NIBAN1: variants seen among roughly 807,000 people sequenced by gnomAD.
NIBAN1 encodes the protein niban apoptosis regulator 1.
A neutral mutation model predicts 75.1 loss-of-function variants in NIBAN1; 81 were observed. That is an observed-to-expected ratio of 1.08 (90% CI 0.90 to 1.30). The LOEUF (loss-of-function observed/expected upper bound fraction) is 1.30. Among genes scored for constraint, NIBAN1 ranks in the 50% most tolerant of loss-of-function variants. NIBAN1 has a pLI of 0.00. For synonymous variants in NIBAN1, 436 were observed against 424.8 expected, an observed-to-expected ratio of 1.03 and a Z score of -0.32; for missense variants, 1,133 against 1,128.1, an observed-to-expected ratio of 1.00 and a Z score of -0.06.
intron 1 of NIBAN1, among the ~76,000 whole-genome samples, chr1:184,957,622 G>A (rs1658523972): frequency 2.0e-5 from 3 of 152,194 alleles, no homozygotes; most frequent in South Asian, 4.1e-4. Context: ...TAACATAATG[G>A]TAGGACTGGG....
chr1:184,887,620 C>T (rs1656561023), intron 4 of NIBAN1: 1 of 152,196 alleles, frequency 6.6e-6, no homozygotes, highest in Non-Finnish European at 1.5e-5. Flanking sequence ...AGCAGCCACC[C>T]TGGACCCTGC....
rs548633153 is a variant in NIBAN1, at chr1:184,926,480, T to C, written c.56-27171A>G. 1.2e-3 allele frequency among the ~76,000 whole-genome samples: 189 copies of C among 152,290 alleles called. 1 individual carries two copies. The highest frequency in any genetic ancestry group is 2.1e-3 in the Non-Finnish European group (143 of 68,014). ...CTTGAACTCCTGACCTCAAGTGATC[T>C]GTCCACCTTGGCCTCCCAGAGTGCT... On this transcript the variant is annotated intron_variant, in intron 1 of 13. Coordinates refer to ENST00000367511, the MANE Select transcript of NIBAN1 (RefSeq NM_052966.4).
Position 184,974,362 on chromosome 1 carries a change from C to G in NIBAN1, c.-6G>C. On this transcript the variant is annotated 5_prime_UTR_variant, in exon 1 of 14. Coordinates refer to ENST00000367511, the MANE Select transcript of NIBAN1 (RefSeq NM_052966.4). Reference sequence around the variant, plus strand: ...CTGGAGGCTGAGCCGCCCATGACCGCGAGCTGCCTGTGCTGAGCGCGGAAA... The same window carrying G: ...CTGGAGGCTGAGCCGCCCATGACCGGGAGCTGCCTGTGCTGAGCGCGGAAA... The G allele has an allele frequency of 6.4e-7, 1 of 1,555,626 alleles. No individual in the cohort carries two copies. The highest frequency in any genetic ancestry group is 2.4e-5 in the East Asian group (1 of 41,394).
intron 9 of NIBAN1, among the ~76,000 whole-genome samples, chr1:184,817,449 C>T (rs967168901): frequency 2.0e-5 from 3 of 152,250 alleles, no homozygotes; most frequent in Non-Finnish European, 1.5e-5. Context: ...AATCGCCACA[C>T]TGTCTTCCAC....
rs537950829 is a variant in NIBAN1 at position 184,877,421 on chromosome 1, G to A, written c.601+7212C>T. ...AAGAAATTTCAGAGGTAACGATAAC[G>A]TTCTTTATACTCTATACATACTTTA... On this transcript the variant is annotated intron_variant, in intron 5 of 13. Transcript: ENST00000367511. Among the ~76,000 whole-genome samples the A allele has an allele frequency of 5.7e-4, 86 of 152,052 alleles. 1 individual carries two copies. The highest frequency in any genetic ancestry group is 1.0e-3 in the Non-Finnish European group (71 of 67,976).
intron 6 of NIBAN1, among the ~76,000 whole-genome samples, chr1:184,826,569 T>A (rs1361869476): frequency 6.6e-6 from 1 of 152,160 alleles, no homozygotes; most frequent in Non-Finnish European, 1.5e-5. Context: ...TGCCAGAATT[T>A]AAAATCAGTG....
At chr1:184,864,234 G>T (rs1655890478) in intron 5 of NIBAN1, among the ~76,000 whole-genome samples, 1 of 152,164 alleles carries the variant, frequency 6.6e-6, no homozygotes, top group African/African-American at 2.4e-5. Context: ...ATTGTTGTCA[G>T]CCTTCACACA....
In NIBAN1 at chr1:184,974,380, C is replaced by T; in HGVS notation, c.-24G>A. 6.5e-7 allele frequency: 1 copy of T among 1,545,786 alleles called. No homozygotes were observed. The highest frequency in any genetic ancestry group is 8.7e-7 in the Non-Finnish European group (1 of 1,151,814). On this transcript the variant is annotated 5_prime_UTR_variant, in exon 1 of 14. Transcript: ENST00000367511. ...ATGACCGCGAGCTGCCTGTGCTGAG[C>T]GCGGAAACTGCCCGGTCCGCGCCCG...
chr1:184,818,567 G>T, intron 9 of NIBAN1, 71 bp downstream of exon 9: 1 of 1,357,490 alleles, frequency 7.4e-7, no homozygotes, highest in Non-Finnish European at 9.9e-7. Context: ...GGGAGAAATG[G>T]CAGATAAAGC....
chr1:184,842,620 G>T (rs1336372840), intron 5 of NIBAN1, among the ~76,000 whole-genome samples: 3 of 152,186 alleles, frequency 2.0e-5, no homozygotes, highest in Non-Finnish European at 2.9e-5. Flanking sequence ...GGGCGTGGTG[G>T]CGGGCGCCTG....
At chr1:184,925,033 A>G (rs1657648401) in intron 1 of NIBAN1, among the ~76,000 whole-genome samples, 1 of 151,734 alleles carries the variant, frequency 6.6e-6, no homozygotes, top group African/African-American at 2.4e-5. Flanking sequence ...TTCTGCTCCA[A>G]TCTTTATTAT....
In NIBAN1 at chr1:184,827,959, TG is replaced by T. The variant is rs1372380894; in HGVS notation, c.717+3887del. On this transcript the variant is annotated intron_variant, in intron 6 of 13. Coordinates refer to ENST00000367511, the MANE Select transcript of NIBAN1 (RefSeq NM_052966.4). ...TAAAAATGCGGGTAGTTTTGTTTTTTGTTTTTTTTTTTTTTTTCCGTCTTGA... is the reference window on the plus strand; with the variant it reads ...TAAAAATGCGGGTAGTTTTGTTTTTTTTTTTTTTTTTTTTTTCCGTCTTGA... Among the ~76,000 whole-genome samples the T allele has an allele frequency of 1.2e-3, 174 of 148,112 alleles. 4 individuals are homozygous for T. The highest frequency in any genetic ancestry group is 1.6e-3 in the Non-Finnish European group (109 of 66,668).
intron 1 of NIBAN1, among the ~76,000 whole-genome samples, chr1:184,951,706 CA>C (rs1658362808): frequency 6.6e-6 from 1 of 152,192 alleles, no homozygotes; most frequent in Admixed American, 6.5e-5. Flanking sequence ...GTCCCCCCTA[CA>C]GTCTATTCTC....
intron 5 of NIBAN1, among the ~76,000 whole-genome samples, chr1:184,873,634 T>C (rs1467248229): frequency 6.6e-6 from 1 of 152,218 alleles, no homozygotes; most frequent in Non-Finnish European, 1.5e-5. Flanking sequence ...TTTGCACTCT[T>C]AGGAACTCAA....
chr1:184,830,390 A>G (rs997895678), intron 6 of NIBAN1, among the ~76,000 whole-genome samples: 1 of 152,194 alleles, frequency 6.6e-6, no homozygotes, highest in Non-Finnish European at 1.5e-5. Flanking sequence ...ACACTTATGA[A>G]TGGCTGTGCT....
intron 1 of NIBAN1, among the ~76,000 whole-genome samples, chr1:184,951,065 C>A (rs1055003697): frequency 1.3e-5 from 2 of 152,200 alleles, no homozygotes; most frequent in Non-Finnish European, 2.9e-5. Flanking sequence ...GTTTTTCTGA[C>A]ACCCAGCCGC....
In NIBAN1 at chr1:184,795,740, C is replaced by A. The variant is rs894082811; in HGVS notation, c.2024G>T (p.Gly675Val). The change falls in exon 14 of 14, where the codon GGA (glycine) becomes GTA (valine). Residue 675 changes from glycine to valine, a missense_variant. Gly to Val is a moderately radical substitution (Grantham distance 109). Transcript: ENST00000367511. ...VNPVATEDTA[G>V]LPGTCSSELE... The stretch of plus-strand genomic sequence containing the variant: ...CTCTGATGAGCATGTGCCCGGGAGT[C>A]CTGCTGTGTCCTCTGTTGCCACAGG... 13 of 1,612,162 alleles carry A rather than the reference C, an allele frequency of 8.1e-6. No homozygotes were observed. The Admixed American group carries it at 1.3e-4, about 17-fold the overall frequency.
intron 5 of NIBAN1, among the ~76,000 whole-genome samples, chr1:184,854,058 A>G (rs1277620856): frequency 5.3e-5 from 8 of 152,248 alleles, no homozygotes; most frequent in African/African-American, 1.9e-4. Flanking sequence ...TATAAAAATT[A>G]TTAATGAGAT....
chr1:184,969,143 G>A (rs1169944048), intron 1 of NIBAN1, among the ~76,000 whole-genome samples: 1 of 152,230 alleles, frequency 6.6e-6, no homozygotes. Context: ...GGGAGTTCAT[G>A]TGGACAGCTA....
Sources: gnomAD v4.1 joint callset for allele counts (sites outside exome capture counted in the v4.1 genomes callset) on GRCh38, gnomAD v4.1.1 for gene constraint, MANE v1.5 for transcripts, NCBI Gene and HGNC (gene_info 2026-07-23, HGNC 2026-07-21) for gene names.